TSNARE1: variants seen among roughly 807,000 people sequenced by gnomAD.
The protein encoded by TSNARE1 is t-SNARE domain containing 1, also known as t-SNARE domain-containing protein 1.
In TSNARE1, 49 loss-of-function variants were observed where a neutral mutation model predicts 62.0. The ratio of observed to expected loss-of-function variants is 0.79; its 90% CI spans 0.63 to 1.00. The LOEUF (loss-of-function observed/expected upper bound fraction) is 1.00. Among genes scored for constraint, TSNARE1 ranks in the 50% least tolerant of loss-of-function variants. The pLI is 0.00. For missense variants in TSNARE1, 755 were observed against 700.1 expected, an observed-to-expected ratio of 1.08 and a Z score of -0.88; for synonymous variants, 328 against 294.4, an observed-to-expected ratio of 1.11 and a Z score of -1.17.
At chr8:142,387,535 C>T (rs1837192353) in intron 1 of TSNARE1, among the ~76,000 whole-genome samples, 1 of 150,872 alleles carries the variant, frequency 6.6e-6, no homozygotes, top group East Asian at 1.9e-4. Flanking sequence ...CTAACCTAAC[C>T]AAGAAAAACA....
intron 12 of TSNARE1, among the ~76,000 whole-genome samples, chr8:142,252,290 T>C (rs1042713247): frequency 6.6e-6 from 1 of 152,190 alleles, no homozygotes; most frequent in Non-Finnish European, 1.5e-5. Context: ...AATGCATGGG[T>C]TGCGGGTGGG....
chr8:142,374,083 C>T (rs1434127640), intron 1 of TSNARE1, among the ~76,000 whole-genome samples: 1 of 152,136 alleles, frequency 6.6e-6, no homozygotes, highest in South Asian at 2.1e-4. Flanking sequence ...GCAGCCAGAT[C>T]ACTTGAGGTC....
In TSNARE1 at chr8:142,254,844, G is replaced by A. The variant is rs558747160; in HGVS notation, c.1446+19937C>T. Among the ~76,000 whole-genome samples the A allele has an allele frequency of 1.3e-3, 202 of 152,248 alleles. 2 individuals carry two copies. Among genetic ancestry groups the A allele is most frequent in the South Asian group, 1.7e-3 (8 of 4,826 alleles). Reference sequence around the variant, plus strand: ...ACGGCCAAGGGGAGGAGAGTCTCTCGCAGGGGTGGTGCTGCACCCGGGGCT... The same window carrying A: ...ACGGCCAAGGGGAGGAGAGTCTCTCACAGGGGTGGTGCTGCACCCGGGGCT... On this transcript the variant is annotated intron_variant, in intron 12 of 13. Transcript: ENST00000524325.
intron 13 of TSNARE1, among the ~76,000 whole-genome samples, chr8:142,221,026 G>A (rs568283012): frequency 1.9e-4 from 29 of 152,314 alleles, no homozygotes; most frequent in Non-Finnish European, 3.1e-4. Context: ...GTGTGTGAAC[G>A]CTGCACTCCT....
At chr8:142,339,443 C>A (rs747633400) in intron 4 of TSNARE1, among the ~76,000 whole-genome samples, 1 of 151,886 alleles carries the variant, frequency 6.6e-6, no homozygotes, top group Non-Finnish European at 1.5e-5. Context: ...GAAGCCAGGG[C>A]GGGCAGGCAG....
At chr8:142,270,694 T>A (rs1188136730) in intron 12 of TSNARE1, 2 of 985,198 alleles carry the variant, frequency 2.0e-6, no homozygotes, top group Non-Finnish European at 2.4e-6. Context: ...TGAGCCACCC[T>A]TTCCAGAGTT....
intron 1 of TSNARE1, among the ~76,000 whole-genome samples, chr8:142,369,729 G>A (rs765156005): frequency 6.6e-6 from 1 of 152,138 alleles, no homozygotes; most frequent in Non-Finnish European, 1.5e-5. Flanking sequence ...ACTCAACACA[G>A]CCAGGAGGGA....
At chr8:142,256,192 AT>A (rs1430106268) in intron 12 of TSNARE1, among the ~76,000 whole-genome samples, 4 of 133,312 alleles carry the variant, frequency 3.0e-5, no homozygotes, top group Admixed American at 7.3e-5. Context: ...CACCACCATC[AT>A]CACCACCACC....
intron 12 of TSNARE1, among the ~76,000 whole-genome samples, chr8:142,237,004 C>G (rs1817462066): frequency 6.6e-6 from 1 of 152,154 alleles, no homozygotes; most frequent in Non-Finnish European, 1.5e-5. Flanking sequence ...AGGGAAGAGC[C>G]CATGGTTATG....
chr8:142,338,372 G>C (rs1033097379), intron 4 of TSNARE1, among the ~76,000 whole-genome samples: 1 of 152,226 alleles, frequency 6.6e-6, no homozygotes, highest in Non-Finnish European at 1.5e-5. Flanking sequence ...GCCCCAGCAC[G>C]AGGGGGTCCC....
At chr8:142,382,175 G>A (rs1836812143) in intron 1 of TSNARE1, among the ~76,000 whole-genome samples, 1 of 144,920 alleles carries the variant, frequency 6.9e-6, no homozygotes, top group African/African-American at 2.9e-5. Context: ...CAGAGAGCCA[G>A]AGGAGGAGGA....
At chr8:142,259,462 G>T (rs775439331) in intron 12 of TSNARE1, among the ~76,000 whole-genome samples, 16 of 152,134 alleles carry the variant, frequency 1.1e-4, no homozygotes, top group Non-Finnish European at 2.1e-4. Flanking sequence ...GTCCTTTACA[G>T]CACCTGGAAA....
intron 12 of TSNARE1, among the ~76,000 whole-genome samples, chr8:142,243,606 G>C (rs1817759651): frequency 6.6e-6 from 1 of 152,094 alleles, no homozygotes; most frequent in South Asian, 2.1e-4. Flanking sequence ...GGGGAGCAGG[G>C]GAGGAGGTGG....
chr8:142,264,554 T>A (rs1194561909), intron 12 of TSNARE1, among the ~76,000 whole-genome samples: 2 of 152,248 alleles, frequency 1.3e-5, no homozygotes, highest in Non-Finnish European at 2.9e-5. Context: ...GATTTCCTTC[T>A]GTAATTCTAC....
At chr8:142,318,787 C>T (rs1315399541) in intron 6 of TSNARE1, among the ~76,000 whole-genome samples, 153 bp from the exon 7 acceptor site, 1 of 151,740 alleles carries the variant, frequency 6.6e-6, no homozygotes, top group Non-Finnish European at 1.5e-5. Context: ...GAGAGACACA[C>T]AGAGACAGAG....
chr8:142,317,178 G>A (rs568542737), intron 7 of TSNARE1, among the ~76,000 whole-genome samples: 2,036 of 136,360 alleles, frequency 0.015, 81 homozygotes, highest in African/African-American at 0.054. Context: ...CACACTGTAC[G>A]CATGAAGCGG....
intron 1 of TSNARE1, among the ~76,000 whole-genome samples, chr8:142,400,390 G>C (rs1398049531): frequency 6.6e-6 from 1 of 151,166 alleles, no homozygotes; most frequent in Non-Finnish European, 1.5e-5. Flanking sequence ...AGGTTGCAGT[G>C]AACCAAGATT....
chr8:142,238,275 G>A (rs1156551892), intron 12 of TSNARE1, among the ~76,000 whole-genome samples: 2 of 152,054 alleles, frequency 1.3e-5, no homozygotes. Context: ...AGCAACCCAG[G>A]GCTCCTAGCG....
chr8:142,235,274 T>C (rs964443895), intron 12 of TSNARE1, among the ~76,000 whole-genome samples: 13 of 152,138 alleles, frequency 8.5e-5, no homozygotes, highest in African/African-American at 3.1e-4. Context: ...TCACCCAGGA[T>C]ACCCACAGGC....
Sources: gnomAD v4.1 joint callset for allele counts (sites outside exome capture counted in the v4.1 genomes callset) on GRCh38, gnomAD v4.1.1 for gene constraint, MANE v1.5 for transcripts, NCBI Gene and HGNC (gene_info 2026-07-23, HGNC 2026-07-21) for gene names.